ADAM10: variants seen among roughly 807,000 people sequenced by gnomAD.
The protein encoded by ADAM10 is ADAM metallopeptidase domain 10.
In ADAM10, 17 loss-of-function variants were observed where a neutral mutation model predicts 90.1. The ratio of observed to expected loss-of-function variants is 0.19; its 90% CI spans 0.13 to 0.28. ADAM10 has a LOEUF of 0.28. Ranked by LOEUF, ADAM10 falls within the 10% of genes least tolerant of loss-of-function variation. ADAM10 has a pLI of 1.00. For synonymous variants in ADAM10, 310 were observed against 298.6 expected (o/e 1.04, Z -0.40); for missense variants, 610 against 914.3 (o/e 0.67, Z 4.29).
At chr15:58,746,284 C>A (rs1422776249) in intron 1 of ADAM10, among the ~76,000 whole-genome samples, 1 of 152,162 alleles carries the variant, frequency 6.6e-6, no homozygotes, top group African/African-American at 2.4e-5. Context: ...GTTCCATTTG[C>A]CCCAAGCCCT....
In ADAM10 at chr15:58,614,008, C is replaced by T. The variant is rs117373644; in HGVS notation, c.1512-2017G>A. On this transcript the variant is annotated intron_variant, in intron 11 of 15. Coordinates refer to ENST00000260408, the MANE Select transcript of ADAM10 (RefSeq NM_001110.4). ...GAAGGAGAAGAGATTTAAAAAGGCA[C>T]AGAAAACCTTTGTTTTGGCTGGGGT... is the stretch of plus-strand genomic sequence containing the variant. 1.3e-3 allele frequency among the ~76,000 whole-genome samples: 201 copies of T among 152,236 alleles called. 3 individuals carry two copies. In the East Asian group the frequency reaches 0.03, roughly 23 times the overall value.
chr15:58,681,773 T>G (rs1227416844), intron 3 of ADAM10, among the ~76,000 whole-genome samples: 2 of 152,172 alleles, frequency 1.3e-5, no homozygotes, highest in Non-Finnish European at 2.9e-5. Context: ...AGAAGGGCCT[T>G]GGGAGGATTT....
Position 58,614,127 on chromosome 15 carries a change from C to T in ADAM10, c.1512-2136G>A, listed in dbSNP as rs913863788. Among the ~76,000 whole-genome samples the T allele has an allele frequency of 5.9e-5, 9 of 151,780 alleles. No homozygotes were observed. In the East Asian group the frequency reaches 1.2e-3, roughly 20 times the overall value. Reference sequence around the variant, plus strand: ...TGAAACCCCGTCTCTACTAAAAATACGAAAAAAACTAGCTGGGCATGGTGG... The same window carrying T: ...TGAAACCCCGTCTCTACTAAAAATATGAAAAAAACTAGCTGGGCATGGTGG... On this transcript the variant is annotated intron_variant, in intron 11 of 15. Transcript: ENST00000260408.
rs1700811263 is a variant in ADAM10 at position 58,592,575 on chromosome 15, T to C, written c.*4972A>G. ...AATTAGTGATTTATCCAAAGGAGTC[T>C]GGTTCCCTTGAAGAAAAATGGTACT... On this transcript the variant is annotated 3_prime_UTR_variant, in exon 16 of 16. Transcript: ENST00000260408. The C allele has an allele frequency of 6.6e-6, 1 of 152,176 alleles. No individual in the cohort carries two copies. Among genetic ancestry groups the C allele is most frequent in the South Asian group, 2.1e-4 (1 of 4,832 alleles). The allele number at this position is 152,176 out of a possible 1,614,324, so 9.4% of individuals were successfully genotyped here.
chr15:58,679,445 C>T lies in ADAM10; in HGVS notation c.326-163G>A, dbSNP rs150889037. On this transcript the variant is annotated intron_variant, in intron 3 of 15. Transcript: ENST00000260408. ...TATAAATTTACTATGGAAATTTTCA[C>T]ATAAAATATATCAAGCAGAATGTGA... Among the ~76,000 whole-genome samples, 30 of 152,056 alleles carry T rather than the reference C, an allele frequency of 2.0e-4. No homozygotes were observed. The East Asian group carries it at 5.8e-3, about 29-fold the overall frequency.
chr15:58,598,298 T>TAC (rs1436944822), intron 15 of ADAM10, among the ~76,000 whole-genome samples: 1 of 152,216 alleles, frequency 6.6e-6, no homozygotes, highest in Non-Finnish European at 1.5e-5. Context: ...TTTCACTGAA[T>TAC]AAGACCACAA....
intron 4 of ADAM10, among the ~76,000 whole-genome samples, chr15:58,670,984 T>A (rs1247658253): frequency 5.3e-5 from 8 of 152,144 alleles, no homozygotes; most frequent in African/African-American, 1.9e-4. Flanking sequence ...ATTACCTGTA[T>A]AAGGTTATAA....
At chr15:58,644,856 G>A (rs543377937) in intron 6 of ADAM10, among the ~76,000 whole-genome samples, 1 of 152,196 alleles carries the variant, frequency 6.6e-6, no homozygotes, top group Non-Finnish European at 1.5e-5. Context: ...GCTTACTTTA[G>A]TAGCGGAAGA....
At chr15:58,631,276 T>C (rs1896092699) in intron 9 of ADAM10, among the ~76,000 whole-genome samples, 1 of 152,104 alleles carries the variant, frequency 6.6e-6, no homozygotes, top group Non-Finnish European at 1.5e-5. Flanking sequence ...ACAAAACAGA[T>C]GAAGACAACC....
intron 3 of ADAM10, among the ~76,000 whole-genome samples, chr15:58,681,574 C>T (rs552401982): frequency 2.0e-5 from 3 of 152,122 alleles, no homozygotes; most frequent in East Asian, 1.9e-4. Flanking sequence ...TCTCCAACAC[C>T]CCCAGAAGAT....
At chr15:58,607,578 T>C (rs1459804183) in intron 14 of ADAM10, among the ~76,000 whole-genome samples, 1 of 152,180 alleles carries the variant, frequency 6.6e-6, no homozygotes, top group Non-Finnish European at 1.5e-5. Flanking sequence ...CTTTCATTCA[T>C]AAAGAATACC....
intron 10 of ADAM10, among the ~76,000 whole-genome samples, chr15:58,623,573 T>G (rs770463869): frequency 1.4e-4 from 22 of 152,066 alleles, no homozygotes; most frequent in Non-Finnish European, 2.8e-4. Flanking sequence ...CAAGTGCCCA[T>G]CAATGATAGA....
At chr15:58,718,840 G>C (rs1365515591) in intron 1 of ADAM10, among the ~76,000 whole-genome samples, 2 of 152,132 alleles carry the variant, frequency 1.3e-5, no homozygotes, top group African/African-American at 4.8e-5. Context: ...GTGAACTCCA[G>C]CCACTTTGGT....
chr15:58,632,058 G>T (rs1377491124), intron 9 of ADAM10, among the ~76,000 whole-genome samples: 1 of 152,206 alleles, frequency 6.6e-6, no homozygotes, highest in Non-Finnish European at 1.5e-5. Context: ...TTTTGCAAGT[G>T]ATAAGGTGAA....
intron 3 of ADAM10, among the ~76,000 whole-genome samples, chr15:58,681,532 T>A (rs1455927808): frequency 6.6e-6 from 1 of 152,214 alleles, no homozygotes; most frequent in Non-Finnish European, 1.5e-5. Context: ...TACTTACTAA[T>A]GTACAGTTAT....
chr15:58,690,509 C>A (rs551073449), intron 2 of ADAM10, among the ~76,000 whole-genome samples: 1 of 152,124 alleles, frequency 6.6e-6, no homozygotes, highest in Non-Finnish European at 1.5e-5. Flanking sequence ...ACTTTCAGAA[C>A]AAAATAAACA....
chr15:58,729,279 C>T (rs1457705601), intron 1 of ADAM10, among the ~76,000 whole-genome samples: 1 of 152,242 alleles, frequency 6.6e-6, no homozygotes, highest in Non-Finnish European at 1.5e-5. Context: ...ACTACTATCA[C>T]TGAGACTGGA....
chr15:58,749,242 G>T (rs1899895523), intron 1 of ADAM10, among the ~76,000 whole-genome samples: 1 of 152,172 alleles, frequency 6.6e-6, no homozygotes, highest in African/African-American at 2.4e-5. Flanking sequence ...CCGCCAGGGC[G>T]GTGGGGGGCG....
rs1894949234 is a variant in ADAM10 at position 58,596,301 on chromosome 15, T to C, written c.*1246A>G. The C allele has an allele frequency of 6.6e-6, 1 of 152,476 alleles. No homozygotes were observed. 9.4% of individuals were successfully genotyped at this position (152,476 alleles called of 1,614,324 possible). On this transcript the variant is annotated 3_prime_UTR_variant, in exon 16 of 16. Transcript: ENST00000260408. ...AATAAGCCTGTTAATACATTAAATG[T>C]TTTTGCTTTCTCTTTAAAATGCCAA... is the stretch of plus-strand genomic sequence containing the variant.
Sources: allele counts gnomAD v4.1 joint callset (sites outside exome capture counted in the v4.1 genomes callset), GRCh38; gene constraint gnomAD v4.1.1; transcripts MANE v1.5; gene names NCBI Gene and HGNC (gene_info 2026-07-23, HGNC 2026-07-21).